BDP1: variants seen among roughly 807,000 people sequenced by gnomAD.
BDP1 encodes the protein transcription factor TFIIIB component B'' homolog.
Under a neutral mutation model 266.6 loss-of-function variants are expected in BDP1, and 169 were observed. The observed-to-expected ratio is 0.63, with a 90% CI of 0.56 to 0.72. BDP1 has a LOEUF of 0.72. Among genes scored for constraint, BDP1 ranks in the 30% least tolerant of loss-of-function variants. The probability of loss-of-function intolerance (pLI) is 0.00; values close to 1 mark genes in which losing one functional copy is unlikely to be tolerated. For synonymous variants in BDP1, 1,090 were observed against 1,022.4 expected, an observed-to-expected ratio of 1.07 and a Z score of -1.26; for missense variants, 3,015 against 3,053.8, an observed-to-expected ratio of 0.99 and a Z score of 0.30.
chr5:71,461,665 T>G, intron 2 of BDP1, 152 bp from the exon 3 acceptor site: 1 of 540,682 alleles, frequency 1.8e-6, no homozygotes, highest in Non-Finnish European at 3.3e-6. Context: ...TGCTACAACT[T>G]TTTAATATTC....
intron 13 of BDP1, among the ~76,000 whole-genome samples, chr5:71,499,639 A>G (rs1764111088): frequency 1.3e-5 from 2 of 152,186 alleles, no homozygotes; most frequent in African/African-American, 2.4e-5. Context: ...AAAAATTAAA[A>G]AAAAACCCTT....
chr5:71,557,448 G>A (rs999269047), intron 36 of BDP1, among the ~76,000 whole-genome samples: 4 of 142,308 alleles, frequency 2.8e-5, no homozygotes, highest in Admixed American at 1.5e-4. Context: ...GCAGTGGTGC[G>A]ATCTCGGCTC....
chr5:71,575,734 A>G, the BDP1 span, among the ~76,000 whole-genome samples: 1 of 152,214 alleles, frequency 6.6e-6, no homozygotes, highest in Non-Finnish European at 1.5e-5. Flanking sequence ...GTTTCTCATT[A>G]TCAATGGAGA....
chr5:71,512,694 C>T (rs1248596139), intron 18 of BDP1, among the ~76,000 whole-genome samples: 1 of 152,220 alleles, frequency 6.6e-6, no homozygotes, highest in East Asian at 1.9e-4. Flanking sequence ...TTCCTAGGCT[C>T]ATACCTGGAT....
chr5:71,491,020 G>T lies in BDP1; in HGVS notation c.1529G>T (p.Gly510Val), dbSNP rs769075046. The change falls in exon 11 of 39, where the codon GGT becomes GTT. Residue 510 changes from glycine (G) to valine (V), a missense_variant. Around this residue, in one of 3 missense-constraint regions of BDP1, gnomAD observed 2,383 missense variants for 2,404.9 expected, o/e 0.99. Transcript: ENST00000358731. ...CQAIRPELKEGECSKEQMLSC... is the reference protein window; with the variant it reads ...CQAIRPELKEVECSKEQMLSC... The stretch of plus-strand genomic sequence containing the variant: ...GCTATAAGGCCTGAGCTAAAGGAAG[G>T]TGAATGCAGTAAGGAGCAGATGCTT... The T allele has an allele frequency of 1.9e-6, 3 of 1,613,354 alleles. No individual in the cohort carries two copies. In the South Asian group the frequency reaches 3.3e-5, roughly 18 times the overall value.
chr5:71,564,786 A>T lies in BDP1; in HGVS notation c.7776A>T (p.Gly2592=). The T allele has an allele frequency of 6.2e-7, 1 of 1,610,674 alleles. No homozygotes were observed. The highest frequency in any genetic ancestry group is 8.5e-7 in the Non-Finnish European group (1 of 1,179,376). Residue 2592 remains glycine (G), a synonymous_variant, in exon 39 of 39, where the codon GGA becomes GGT. Transcript: ENST00000358731. ...VSCDQPLLKE[G]YKSAQKRAPQ... ...GTGATCAGCCCTTACTGAAAGAAGG[A>T]TATAAAAGTGCCCAAAAGCGGGCCC...
At chr5:71,457,503 A>G (rs1372245285) in intron 1 of BDP1, among the ~76,000 whole-genome samples, 1 of 151,876 alleles carries the variant, frequency 6.6e-6, no homozygotes, top group Non-Finnish European at 1.5e-5. Flanking sequence ...TTCAGTAGAG[A>G]CAGGGTTTCA....
chr5:71,506,823 A>ACACACCCC (rs377599570), intron 16 of BDP1, among the ~76,000 whole-genome samples: 6 of 141,726 alleles, frequency 4.2e-5, no homozygotes, highest in Admixed American at 7.2e-5. Flanking sequence ...ACACACACAC[A>ACACACCCC]CCCATATTTT....
rs1345016584 is a variant in BDP1, at chr5:71,525,435, G to T, written c.5772+1112G>T. Among the ~76,000 whole-genome samples, 2 of 133,596 alleles carry T rather than the reference G, an allele frequency of 1.5e-5. 1 individual carries two copies. Among genetic ancestry groups the T allele is most frequent in the Non-Finnish European group, 3.3e-5 (2 of 60,968 alleles). 87.6% of individuals were successfully genotyped at this position (133,596 alleles called of 152,430 possible). On this transcript the variant is annotated intron_variant, in intron 25 of 38. Coordinates refer to ENST00000358731, the MANE Select transcript of BDP1 (RefSeq NM_018429.3). ...TCCCGGACGGGGCGGCTGGCCGGGCGGGGGGCTGACACCCCCCACCTCCCT... is the reference window on the plus strand; with the variant it reads ...TCCCGGACGGGGCGGCTGGCCGGGCTGGGGGCTGACACCCCCCACCTCCCT...
rs1381336183 is a variant in BDP1, at chr5:71,534,547, T to A, written c.5892+2120T>A. On this transcript the variant is annotated intron_variant, in intron 26 of 38. Transcript: ENST00000358731. ...ATGGAGTCTCGTCTGTCGCCCAGGA[T>A]GGAGTGCAGTGGCATGATCTCAGCT... Among the ~76,000 whole-genome samples the A allele has an allele frequency of 2.6e-5, 4 of 152,136 alleles. No individual in the cohort carries two copies. In the East Asian group the frequency reaches 7.7e-4, roughly 29 times the overall value.
intron 12 of BDP1, among the ~76,000 whole-genome samples, chr5:71,496,410 A>G (rs1763895828): frequency 6.6e-6 from 1 of 150,902 alleles, no homozygotes; most frequent in East Asian, 1.9e-4. Context: ...TCTCCCTCAC[A>G]CACACATACA....
intron 22 of BDP1, among the ~76,000 whole-genome samples, chr5:71,517,732 T>G (rs1384049838): frequency 6.6e-6 from 1 of 152,116 alleles, no homozygotes; most frequent in Non-Finnish European, 1.5e-5. Flanking sequence ...ACTAAATTTT[T>G]AATAGTAGAC....
Position 71,495,267 on chromosome 5 carries a change from C to T in BDP1, c.1658C>T (p.Thr553Ile), listed in dbSNP as rs1332301708. ...ILSLSNQQDA[T>I]SVATESSESS... Reference sequence around the variant, plus strand: ...TTTTTTAGTAATCAACAAGATGCCACATCAGTAGCAACTGAGTCTTCAGAA... The same window carrying T: ...TTTTTTAGTAATCAACAAGATGCCATATCAGTAGCAACTGAGTCTTCAGAA... Residue 553 changes from threonine to isoleucine, a missense_variant, in exon 12 of 39, where the codon ACA becomes ATA. This residue lies in a region of BDP1 where 2,383 missense variants were observed against 2,404.9 expected (regional missense o/e 0.99). Coordinates refer to ENST00000358731, the MANE Select transcript of BDP1 (RefSeq NM_018429.3). 3.2e-6 allele frequency: 5 copies of T among 1,574,100 alleles called. No individual in the cohort carries two copies. The highest frequency in any genetic ancestry group is 3.4e-6 in the Non-Finnish European group (4 of 1,159,622).
chr5:71,521,183 G>C (rs1329047698), intron 22 of BDP1, among the ~76,000 whole-genome samples: 1 of 135,806 alleles, frequency 7.4e-6, no homozygotes, highest in African/African-American at 2.8e-5. Context: ...GCGAAACTCC[G>C]TCTCAAAAAA....
At chr5:71,458,532 T>C in intron 1 of BDP1, 47 bp from the exon 2 acceptor site, 1 of 1,440,204 alleles carries the variant, frequency 6.9e-7, no homozygotes, top group East Asian at 2.3e-5. Context: ...CTAGCATGTG[T>C]AACAGAAGAT....
Position 71,458,759 on chromosome 5 carries a change from T to G in BDP1, c.393T>G (p.Thr131=), listed in dbSNP as rs1203790712. The G allele has an allele frequency of 4.3e-6, 7 of 1,614,096 alleles. No individual in the cohort carries two copies. Among genetic ancestry groups the G allele is most frequent in the Middle Eastern group, 1.6e-4 (1 of 6,062 alleles). ...INQEAPQPTA[T]STKEKQPCSD... Reference sequence around the variant, plus strand: ...AAGAGGCTCCACAGCCAACTGCCACTTCAACAAAAGAGAAACAGCCATGCT... The same window carrying G: ...AAGAGGCTCCACAGCCAACTGCCACGTCAACAAAAGAGAAACAGCCATGCT... Residue 131 remains threonine (T), a synonymous_variant, in exon 2 of 39, where the codon ACT becomes ACG. Coordinates refer to ENST00000358731, the MANE Select transcript of BDP1 (RefSeq NM_018429.3).
Position 71,524,003 on chromosome 5 carries a change from T to G in BDP1, c.5452T>G (p.Ser1818Ala), listed in dbSNP as rs2150510853. The part of the protein sequence containing the change: ...KIALDGKTTI[S>A]STSEYERNRG... ...TGCCCTGGATGGGAAAACAACTATC[T>G]CTTCTACATCTGAGTATGAGAGAAA... The change falls in exon 25 of 39, where the codon TCT (serine) becomes GCT (alanine). Residue 1818 changes from serine to alanine, a missense_variant. This residue lies in a region of BDP1 where 2,383 missense variants were observed against 2,404.9 expected (regional missense o/e 0.99). Coordinates refer to ENST00000358731, the MANE Select transcript of BDP1 (RefSeq NM_018429.3). The G allele has an allele frequency of 6.2e-7, 1 of 1,614,138 alleles. No homozygotes were observed. Among genetic ancestry groups the G allele is most frequent in the Admixed American group, 1.7e-5 (1 of 60,014 alleles).
Position 71,461,886 on chromosome 5 carries a change from A to C in BDP1, c.559A>C (p.Arg187=). The part of the protein sequence containing the change: ...RPPDRSKMTM[R]DFIYYLPDNN... ...ACCAGATCGTTCAAAAATGACTATG[A>C]GAGACTTCATATATTATCTACCAGA... Residue 187 remains arginine, a synonymous_variant, in exon 3 of 39, where the codon AGA becomes CGA. Coordinates refer to ENST00000358731, the MANE Select transcript of BDP1 (RefSeq NM_018429.3). 6.2e-7 allele frequency: 1 copy of C among 1,600,624 alleles called. No individual in the cohort carries two copies. The highest frequency in any genetic ancestry group is 8.5e-7 in the Non-Finnish European group (1 of 1,169,612).
rs769611993 is a variant in BDP1 at position 71,553,113 on chromosome 5, C to T, written c.6996-3C>T. 22 of 1,604,684 alleles carry T rather than the reference C, an allele frequency of 1.4e-5. No individual in the cohort carries two copies. Among genetic ancestry groups the T allele is most frequent in the Non-Finnish European group, 1.6e-5 (19 of 1,175,098 alleles). On this transcript the variant is annotated splice_region_variant and splice_polypyrimidine_tract_variant and intron_variant, in intron 34 of 38. Coordinates refer to ENST00000358731, the MANE Select transcript of BDP1 (RefSeq NM_018429.3). ...ATTTAGTATGTATTTCTTTTCTATG[C>T]AGTATTTGTTTACCAGCAACTTCAG...
Sources: gnomAD v4.1 joint callset for allele counts (sites outside exome capture counted in the v4.1 genomes callset) on GRCh38, gnomAD v4.1.1 for gene constraint, gnomAD v4.1.1 regional missense constraint, MANE v1.5 for transcripts, NCBI Gene and HGNC (gene_info 2026-07-23, HGNC 2026-07-21) for gene names.